The following RASA2 variants were observed in gnomAD, a reference collection of about 807,000 sequenced individuals.
The protein encoded by RASA2 is ras GTPase-activating protein 2.
A neutral mutation model predicts 118.2 loss-of-function variants in RASA2; 155 were observed. The observed-to-expected ratio is 1.31, with a 90% CI of 1.15 to 1.50. RASA2 has a LOEUF of 1.50. RASA2 is among the 40% of genes most tolerant of loss of function. The pLI, the probability that RASA2 is intolerant of heterozygous loss-of-function variation, is 0.00. For synonymous variants in RASA2, 353 were observed against 349.1 expected, an observed-to-expected ratio of 1.01 and a Z score of -0.12; for missense variants, 1,016 against 1,009.6, an observed-to-expected ratio of 1.01 and a Z score of -0.09.
At position 141,581,095 on chromosome 3, in the gene RASA2, C is replaced by T; in HGVS notation, c.1675-5C>T. 2 of 1,522,608 alleles carry T rather than the reference C, an allele frequency of 1.3e-6. No individual in the cohort carries two copies. The highest frequency in any genetic ancestry group is 1.7e-6 in the Non-Finnish European group (2 of 1,143,242). The allele number at this position is 1,522,608 out of a possible 1,614,324, so 94.3% of individuals were successfully genotyped here. A position where few individuals can be genotyped will look rare whatever the true frequency, so the allele number is the denominator to read the frequency against. ...CATATAAACCCTGTGTTTGTTTTTT[C>T]TTAGTCAAGTTTCAAAGAGACATTC... On this transcript the variant is annotated splice_region_variant and splice_polypyrimidine_tract_variant and intron_variant, in intron 16 of 23. Coordinates refer to ENST00000286364, the MANE Select transcript of RASA2 (RefSeq NM_006506.5).
chr3:141,596,891 C>G (rs1023574326), intron 19 of RASA2, among the ~76,000 whole-genome samples: 19 of 152,160 alleles, frequency 1.2e-4, no homozygotes, highest in African/African-American at 4.6e-4. Flanking sequence ...GGGCAGTTCT[C>G]AGAAAGTTAA....
rs769572165 is a variant in RASA2 at position 141,555,923 on chromosome 3, G to GT, written c.684+15dup. 15 of 1,584,904 alleles carry GT rather than the reference G, an allele frequency of 9.5e-6. No individual in the cohort carries two copies. Among genetic ancestry groups the GT allele is most frequent in the Admixed American group, 3.4e-5 (2 of 58,204 alleles). On this transcript the variant is annotated intron_variant, in intron 7 of 23. Coordinates refer to ENST00000286364, the MANE Select transcript of RASA2 (RefSeq NM_006506.5). ...ATCTTTTATTTTGAGGTAATTTTTT[G>GT]TTTTACGTAAATGTTAACATTAAAT...
chr3:141,492,177 C>T (rs942676839), intron 1 of RASA2, among the ~76,000 whole-genome samples: 1 of 152,192 alleles, frequency 6.6e-6, no homozygotes, highest in African/African-American at 2.4e-5. Flanking sequence ...ACTTAGAACT[C>T]TTTGAATAGA....
chr3:141,487,065 G>C lies in RASA2; in HGVS notation c.-19G>C. On this transcript the variant is annotated 5_prime_UTR_variant, in exon 1 of 24. Transcript: ENST00000286364. ...CGGCTACGCAGGCGGCAGGGCTGCG[G>C]CACGGGCCGGGCGGCACCATGGCGG... is the stretch of plus-strand genomic sequence containing the variant. 3.2e-6 allele frequency: 4 copies of C among 1,255,538 alleles called. No individual in the cohort carries two copies. The highest frequency in any genetic ancestry group is 4.0e-6 in the Non-Finnish European group (4 of 993,916). 77.8% of individuals were successfully genotyped at this position (1,255,538 alleles called of 1,614,324 possible).
rs113865258 is a variant in RASA2, at chr3:141,600,039, A to T, written c.1934-7639A>T. Among the ~76,000 whole-genome samples the T allele has an allele frequency of 8.4e-3, 1,287 of 152,310 alleles. 21 individuals are homozygous for T. The highest frequency in any genetic ancestry group is 0.029 in the African/African-American group (1,199 of 41,562). ...TGGAAGTTACTTACGTTTATATGAA[A>T]TGAAGCTATTAATATTTTTCTACAG... On this transcript the variant is annotated intron_variant, in intron 19 of 23. Coordinates refer to ENST00000286364, the MANE Select transcript of RASA2 (RefSeq NM_006506.5).
At chr3:141,516,513 C>A in intron 3 of RASA2, 82 bp downstream of exon 3, 1 of 1,065,488 alleles carries the variant, frequency 9.4e-7, no homozygotes, top group Non-Finnish European at 1.2e-6. Context: ...TTGAAAATTG[C>A]AGAATAATAT....
At chr3:141,511,893 GAGAGC>G (rs773953874) in intron 1 of RASA2, among the ~76,000 whole-genome samples, 1 of 152,092 alleles carries the variant, frequency 6.6e-6, no homozygotes, top group Non-Finnish European at 1.5e-5. Context: ...GAATGGGATA[GAGAGC>G]ACAAGTAGAG....
chr3:141,582,904 A>G (rs1334503366), intron 17 of RASA2, among the ~76,000 whole-genome samples: 1 of 152,222 alleles, frequency 6.6e-6, no homozygotes, highest in Non-Finnish European at 1.5e-5. Context: ...TAACCTGGAT[A>G]GTTCTATAAA....
At chr3:141,573,082 T>G (rs1487464881) in intron 12 of RASA2, 65 bp from the exon 13 acceptor site, 1 of 1,329,572 alleles carries the variant, frequency 7.5e-7, no homozygotes, top group Non-Finnish European at 1.0e-6. Flanking sequence ...ATCAGAAAAA[T>G]AAGTTATTTT....
At chr3:141,573,318 G>C in intron 13 of RASA2, 97 bp downstream of exon 13, 81 of 1,255,016 alleles carry the variant, frequency 6.5e-5, no homozygotes, top group Non-Finnish European at 8.0e-5. Context: ...ATAGAGGGAA[G>C]CAGTGCTGTT....
chr3:141,521,203 AT>A (rs529270411), intron 3 of RASA2, among the ~76,000 whole-genome samples: 15 of 152,314 alleles, frequency 9.8e-5, no homozygotes, highest in African/African-American at 3.6e-4. Context: ...GCATTAAGTG[AT>A]AGGTGAAGCC....
intron 13 of RASA2, 44 bp downstream of exon 13, chr3:141,573,265 T>G: frequency 2.0e-6 from 3 of 1,509,628 alleles, no homozygotes; most frequent in Non-Finnish European, 2.6e-6. Flanking sequence ...AAAATTGGTC[T>G]TAATGGTGTA....
At chr3:141,526,738 AG>A (rs1188077746) in intron 3 of RASA2, among the ~76,000 whole-genome samples, 1 of 152,194 alleles carries the variant, frequency 6.6e-6, no homozygotes, top group East Asian at 1.9e-4. Context: ...AAGGAGCTTA[AG>A]AATAAGAGCT....
intron 12 of RASA2, 49 bp downstream of exon 12, chr3:141,572,772 GTTC>G (rs1560042211): frequency 7.4e-7 from 1 of 1,357,924 alleles, no homozygotes; most frequent in East Asian, 2.3e-5. Flanking sequence ...TATGATAGTT[GTTC>G]TTTTATCAAG....
chr3:141,526,599 T>C (rs1398947406), intron 3 of RASA2, among the ~76,000 whole-genome samples: 1 of 152,200 alleles, frequency 6.6e-6, no homozygotes, highest in African/African-American at 2.4e-5. Flanking sequence ...TTTTCTTAAT[T>C]TTCCTGTGCC....
intron 1 of RASA2, among the ~76,000 whole-genome samples, chr3:141,510,545 G>A (rs1336083467): frequency 6.6e-6 from 1 of 152,218 alleles, no homozygotes; most frequent in Non-Finnish European, 1.5e-5. Flanking sequence ...CAGAAATTTA[G>A]ATAATCATCA....
At chr3:141,535,356 A>G (rs2082313233) in intron 4 of RASA2, among the ~76,000 whole-genome samples, 1 of 152,222 alleles carries the variant, frequency 6.6e-6, no homozygotes, top group Non-Finnish European at 1.5e-5. Flanking sequence ...TATGCCTGTA[A>G]AAACATTTTT....
chr3:141,495,545 A>G (rs1305476109), intron 1 of RASA2, among the ~76,000 whole-genome samples: 2 of 152,256 alleles, frequency 1.3e-5, no homozygotes, highest in African/African-American at 4.8e-5. Context: ...ACATCAATTT[A>G]CAAAAAAAGG....
chr3:141,497,983 A>C (rs921069107), intron 1 of RASA2, among the ~76,000 whole-genome samples: 1 of 152,174 alleles, frequency 6.6e-6, no homozygotes, highest in East Asian at 1.9e-4. Context: ...TGTTTCAGAG[A>C]AATGTGGTAA....
Sources: allele counts gnomAD v4.1 joint callset (sites outside exome capture counted in the v4.1 genomes callset), GRCh38; gene constraint gnomAD v4.1.1; transcripts MANE v1.5; gene names NCBI Gene and HGNC (gene_info 2026-07-23, HGNC 2026-07-21).